Variants in SLC4A4 observed in about 807,000 individuals in gnomAD.
SLC4A4 encodes the protein solute carrier family 4 member 4, also known as electrogenic sodium bicarbonate cotransporter 1.
In SLC4A4, 27 loss-of-function variants were observed where a neutral mutation model predicts 111.5. The observed-to-expected ratio is 0.24, with a 90% CI of 0.18 to 0.33. The LOEUF (loss-of-function observed/expected upper bound fraction) is 0.33. SLC4A4 is among the 10% of genes least tolerant of loss of function. The probability of loss-of-function intolerance (pLI) is 1.00; values close to 1 mark genes in which losing one functional copy is unlikely to be tolerated. For synonymous variants in SLC4A4, 443 were observed against 463.4 expected (o/e 0.96, Z 0.57); for missense variants, 909 against 1,315.5 (o/e 0.69, Z 4.78).
chr4:71,084,518 A>T (rs1319780112), intron 1 of SLC4A4, among the ~76,000 whole-genome samples: 1 of 151,992 alleles, frequency 6.6e-6, no homozygotes, highest in Non-Finnish European at 1.5e-5. Flanking sequence ...CTCGTCATTT[A>T]ACATTAGGTA....
chr4:71,492,455 A>G (rs541469949), intron 15 of SLC4A4, among the ~76,000 whole-genome samples: 2 of 152,074 alleles, frequency 1.3e-5, no homozygotes, highest in African/African-American at 4.8e-5. Context: ...ATCTCTTTTC[A>G]TGAGATTTAC....
intron 2 of SLC4A4, among the ~76,000 whole-genome samples, chr4:71,108,621 C>T (rs974436665): frequency 1.2e-4 from 19 of 152,114 alleles, no homozygotes; most frequent in African/African-American, 4.6e-4. Flanking sequence ...CAGGATGGGT[C>T]TCTGAGTTTA....
At chr4:71,088,071 T>G (rs576243353) in intron 1 of SLC4A4, among the ~76,000 whole-genome samples, 6 of 151,970 alleles carry the variant, frequency 3.9e-5, no homozygotes, top group African/African-American at 1.2e-4. Context: ...AGGACTTGCT[T>G]TATGAATCTG....
intron 6 of SLC4A4, among the ~76,000 whole-genome samples, chr4:71,358,423 T>A (rs184542533): frequency 6.6e-6 from 1 of 152,008 alleles, no homozygotes; most frequent in Non-Finnish European, 1.5e-5. Flanking sequence ...TGGAAAAAGG[T>A]GGAGTAACTG....
intron 16 of SLC4A4, among the ~76,000 whole-genome samples, chr4:71,514,358 A>G (rs1199065146): frequency 6.6e-6 from 1 of 152,110 alleles, no homozygotes; most frequent in Non-Finnish European, 1.5e-5. Flanking sequence ...GCCATGTAGG[A>G]CATGTCTGCT....
In SLC4A4 at chr4:71,451,309, A is replaced by G; in HGVS notation, c.1322+8A>G. 3.2e-6 allele frequency: 5 copies of G among 1,541,354 alleles called. No individual in the cohort carries two copies. Among genetic ancestry groups the G allele is most frequent in the Non-Finnish European group, 4.5e-6 (5 of 1,113,518 alleles). On this transcript the variant is annotated splice_region_variant and intron_variant, in intron 11 of 25. Coordinates refer to ENST00000264485, the MANE Select transcript of SLC4A4 (RefSeq NM_001098484.3). ...ATTGCAGCGAACTGGACGGTAACTG[A>G]CAGTTTCCTTTGCCATTCATGATGA...
intron 3 of SLC4A4, among the ~76,000 whole-genome samples, chr4:71,298,456 G>T (rs1344121078): frequency 6.6e-6 from 1 of 152,158 alleles, no homozygotes; most frequent in Non-Finnish European, 1.5e-5. Context: ...AAGGTTGATG[G>T]TGTTTTATAG....
intron 1 of SLC4A4, among the ~76,000 whole-genome samples, chr4:71,209,503 A>C (rs900789423): frequency 6.6e-6 from 1 of 152,222 alleles, no homozygotes; most frequent in Non-Finnish European, 1.5e-5. Context: ...ACATTGTTGC[A>C]GCTAATAAAG....
intron 5 of SLC4A4, among the ~76,000 whole-genome samples, chr4:71,355,577 C>A (rs1289034836): frequency 6.6e-6 from 1 of 152,198 alleles, no homozygotes; most frequent in Non-Finnish European, 1.5e-5. Context: ...TGTTATGTGA[C>A]AGTTATGGCA....
intron 12 of SLC4A4, among the ~76,000 whole-genome samples, chr4:71,458,650 A>G (rs1253675167): frequency 6.6e-6 from 1 of 152,102 alleles, no homozygotes; most frequent in Non-Finnish European, 1.5e-5. Flanking sequence ...TTATTTTAAC[A>G]TAAAGCTGTG....
chr4:71,069,328 T>C (rs1334458964), intron 1 of SLC4A4, among the ~76,000 whole-genome samples: 3 of 152,132 alleles, frequency 2.0e-5, no homozygotes, highest in Non-Finnish European at 2.9e-5. Context: ...AGGCCAAAGG[T>C]ACATTCTCAA....
chr4:71,158,930 C>G (rs1744547669), intron 2 of SLC4A4, among the ~76,000 whole-genome samples: 1 of 152,130 alleles, frequency 6.6e-6, no homozygotes, highest in Non-Finnish European at 1.5e-5. Context: ...ACCTGGGACA[C>G]TTAAGGGTCC....
At chr4:71,075,572 G>A (rs1741789060) in intron 1 of SLC4A4, among the ~76,000 whole-genome samples, 1 of 152,124 alleles carries the variant, frequency 6.6e-6, no homozygotes, top group Non-Finnish European at 1.5e-5. Context: ...CTTTGCCCTT[G>A]CTGTTCACGC....
intron 2 of SLC4A4, among the ~76,000 whole-genome samples, chr4:71,134,508 G>T (rs1743792820): frequency 6.6e-6 from 1 of 152,196 alleles, no homozygotes; most frequent in African/African-American, 2.4e-5. Flanking sequence ...TCCTCATTCT[G>T]GGACTCAAAT....
At chr4:71,374,546 C>T (rs1006703298) in intron 6 of SLC4A4, among the ~76,000 whole-genome samples, 25 of 152,148 alleles carry the variant, frequency 1.6e-4, no homozygotes, top group Non-Finnish European at 1.0e-4. Context: ...GAATTAGTTA[C>T]TGTTTATCCT....
chr4:71,417,693 A>C (rs553810655), intron 7 of SLC4A4, among the ~76,000 whole-genome samples: 1 of 152,324 alleles, frequency 6.6e-6, no homozygotes, highest in South Asian at 2.1e-4. Context: ...AATACTTTAA[A>C]ATATGCTCAT....
At chr4:71,490,129 C>T (rs1729766942) in intron 15 of SLC4A4, among the ~76,000 whole-genome samples, 1 of 151,736 alleles carries the variant, frequency 6.6e-6, no homozygotes. Flanking sequence ...ACTTGCAAAC[C>T]AAATTCCTTA....
intron 14 of SLC4A4, among the ~76,000 whole-genome samples, chr4:71,484,408 C>T (rs1227651030): frequency 6.6e-6 from 1 of 151,770 alleles, no homozygotes; most frequent in Non-Finnish European, 1.5e-5. Context: ...CCAGTTATCC[C>T]AGTACTACTT....
intron 2 of SLC4A4, among the ~76,000 whole-genome samples, chr4:71,124,626 C>T (rs1177146108): frequency 6.6e-6 from 1 of 152,198 alleles, no homozygotes; most frequent in Non-Finnish European, 1.5e-5. Context: ...CACTTCCTTT[C>T]TTATTTTTAC....
Sources: allele counts gnomAD v4.1 joint callset (sites outside exome capture counted in the v4.1 genomes callset), GRCh38; gene constraint gnomAD v4.1.1; transcripts MANE v1.5; gene names NCBI Gene and HGNC (gene_info 2026-07-23, HGNC 2026-07-21).